DMD: variants seen among roughly 807,000 people sequenced by gnomAD.
DMD encodes dystrophin.
DMD carries 63 observed loss-of-function variants against 330.1 expected under a neutral mutation model. The ratio of observed to expected loss-of-function variants is 0.19; its 90% confidence interval spans 0.16 to 0.24. The LOEUF (loss-of-function observed/expected upper bound fraction) is 0.24, where lower values mean the gene tolerates loss of function less well. Among genes scored for constraint, DMD ranks in the 10% least tolerant of loss-of-function variants. The pLI, the probability that DMD is intolerant of heterozygous loss-of-function variation, is 1.00. For synonymous variants in DMD, 1,223 were observed against 959.8 expected (o/e 1.27, Z -5.07); for missense variants, 3,344 against 2,684.1 (o/e 1.25, Z -5.43).
intron 51 of DMD, among the ~76,000 whole-genome samples, chrX:31,760,822 A>T (rs2089518904): frequency 9.1e-6 from 1 of 110,256 alleles, no homozygotes; most frequent in South Asian, 3.9e-4. Flanking sequence ...CGATAATAAC[A>T]GGTAAAAAAA....
intron 60 of DMD, among the ~76,000 whole-genome samples, chrX:31,369,129 C>G (rs1323639770): frequency 8.9e-6 from 1 of 112,343 alleles, no homozygotes; most frequent in Non-Finnish European, 1.9e-5. Context: ...CCCTCTTTGT[C>G]ATCAATAAAT....
Position 32,752,814 on chromosome X carries a change from G to A in DMD, c.650-53521C>T, listed in dbSNP as rs907324610. 3.6e-5 allele frequency among the ~76,000 whole-genome samples: 4 copies of A among 109,690 alleles called. No homozygotes were observed. The South Asian group carries it at 1.2e-3, about 33-fold the overall frequency. On this transcript the variant is annotated intron_variant, in intron 7 of 78. Transcript: ENST00000357033. ...GTTCTTGTGGTAGTGAAAGTCTCAC[G>A]AGATCTGATGGCTTTGTAAGTGGAG...
At chrX:32,507,602 C>T (rs1412585451) in intron 18 of DMD, among the ~76,000 whole-genome samples, 2 of 111,431 alleles carry the variant, frequency 1.8e-5, no homozygotes, top group African/African-American at 6.5e-5. Flanking sequence ...ACCACAACTA[C>T]AACAAAAACA....
At chrX:31,415,478 C>T (rs1271601741) in intron 60 of DMD, among the ~76,000 whole-genome samples, 1 of 111,755 alleles carries the variant, frequency 8.9e-6, no homozygotes, top group Non-Finnish European at 1.9e-5. Flanking sequence ...ACTATGGAGT[C>T]CAGAGGTAGG....
intron 62 of DMD, among the ~76,000 whole-genome samples, chrX:31,288,722 G>T (rs961418626): frequency 1.8e-5 from 2 of 111,420 alleles, no homozygotes; most frequent in African/African-American, 6.5e-5. Context: ...TGCTCATTTT[G>T]TCAGAAACAA....
At position 33,009,522 on chromosome X, in the gene DMD, GTGTA is replaced by G. The variant is rs1399189707; in HGVS notation, c.93+10613_93+10616del. ...TGTATATGTGTATATACACATATGT[GTGTA>G]TGTGTGTATGTGTATATACACATAT... On this transcript the variant is annotated intron_variant, in intron 2 of 78. Transcript: ENST00000357033. 4.4e-5 allele frequency among the ~76,000 whole-genome samples: 4 copies of G among 90,636 alleles called. 1 individual carries two copies. The highest frequency in any genetic ancestry group is 3.4e-4 in the Admixed American group (3 of 8,735). The allele number at this position is 90,636 out of a possible 115,157, so 78.7% of individuals were successfully genotyped here. A position where few individuals can be genotyped will look rare whatever the true frequency, so the allele number is the denominator to read the frequency against.
chrX:32,524,573 A>G (rs1174126607), intron 17 of DMD, among the ~76,000 whole-genome samples: 1 of 112,410 alleles, frequency 8.9e-6, no homozygotes, highest in Admixed American at 9.4e-5. Context: ...TCTAGCCTAG[A>G]GGCTCTGCCA....
intron 50 of DMD, among the ~76,000 whole-genome samples, chrX:31,809,187 A>G (rs1182914879): frequency 1.9e-5 from 2 of 105,378 alleles, no homozygotes; most frequent in Non-Finnish European, 3.9e-5. Flanking sequence ...ATATGAGTTT[A>G]TATATAAATA....
chrX:32,108,414 G>A (rs2096574552), intron 44 of DMD, among the ~76,000 whole-genome samples: 1 of 111,964 alleles, frequency 8.9e-6, no homozygotes, highest in Non-Finnish European at 1.9e-5. Flanking sequence ...GAATGCAATA[G>A]ATTAATTAGG....
intron 52 of DMD, among the ~76,000 whole-genome samples, chrX:31,688,672 A>G (rs1459890557): frequency 3.6e-5 from 4 of 111,660 alleles, no homozygotes; most frequent in Non-Finnish European, 5.6e-5. Context: ...ACAAAAAAAG[A>G]GAATTTTAGA....
At chrX:32,216,767 T>C in intron 44 of DMD, 149 bp downstream of exon 44, 1 of 525,893 alleles carries the variant, frequency 1.9e-6, no homozygotes, top group South Asian at 3.0e-5. Flanking sequence ...ATATTATCAT[T>C]ATGATAATTT....
rs188476664 is a variant in DMD, at chrX:32,416,745, C to T, written c.4072-4832G>A. On this transcript the variant is annotated intron_variant, in intron 29 of 78. Transcript: ENST00000357033. ...AGAGATGTGCTAAAACCAAATCCTA[C>T]TCAACCTGCCCTTCAGAAACTACAG... 9.9e-5 allele frequency among the ~76,000 whole-genome samples: 11 copies of T among 111,524 alleles called. No homozygotes were observed. The South Asian group carries it at 2.2e-3, about 23-fold the overall frequency.
intron 56 of DMD, among the ~76,000 whole-genome samples, chrX:31,501,892 TAAAG>T (rs1226831308): frequency 9.0e-6 from 1 of 110,612 alleles, no homozygotes; most frequent in Non-Finnish European, 1.9e-5. Flanking sequence ...GCAGAAATAA[TAAAG>T]AACCACAATA....
intron 17 of DMD, among the ~76,000 whole-genome samples, chrX:32,535,927 GT>G (rs1311911024): frequency 9.0e-6 from 1 of 111,508 alleles, no homozygotes; most frequent in Non-Finnish European, 1.9e-5. Context: ...CAAAAATAAA[GT>G]CATTACCATA....
At chrX:32,030,738 T>C (rs1045596967) in intron 44 of DMD, among the ~76,000 whole-genome samples, 1 of 112,088 alleles carries the variant, frequency 8.9e-6, no homozygotes, top group South Asian at 3.7e-4. Context: ...TTTAATGAAA[T>C]GATATCATAT....
intron 1 of DMD, among the ~76,000 whole-genome samples, chrX:33,060,476 T>C (rs2148071454): frequency 9.0e-6 from 1 of 111,624 alleles, no homozygotes; most frequent in Non-Finnish European, 1.9e-5. Context: ...TCTTTGTCAG[T>C]ACTAACATAG....
chrX:31,782,319 A>T (rs1399603490), intron 50 of DMD, among the ~76,000 whole-genome samples: 4 of 111,334 alleles, frequency 3.6e-5, no homozygotes, highest in South Asian at 3.8e-4. Flanking sequence ...AGCAAACATG[A>T]CATAAGCAGA....
rs6653877 is a variant in DMD at position 32,565,507 on chromosome X, T to A, written c.1992+195A>T. Among the ~76,000 whole-genome samples, 5,518 of 111,126 alleles carry A rather than the reference T, an allele frequency of 0.05. 146 individuals carry two copies. The highest frequency in any genetic ancestry group is 0.086 in the African/African-American group (2,627 of 30,537). On this transcript the variant is annotated intron_variant, in intron 16 of 78. Coordinates refer to ENST00000357033, the MANE Select transcript of DMD (RefSeq NM_004006.3). ...AAATTCACTCTAGGGCAGTAACAAG[T>A]TCAGTTAATTAGCACTCTACCTCAC...
intron 44 of DMD, among the ~76,000 whole-genome samples, chrX:32,114,360 A>G (rs1569543943): frequency 9.0e-6 from 1 of 111,366 alleles, no homozygotes; most frequent in African/African-American, 3.3e-5. Context: ...TAGCCCTTCT[A>G]AAAAGAATCT....
Sources: allele counts gnomAD v4.1 joint callset (sites outside exome capture counted in the v4.1 genomes callset), GRCh38; gene constraint gnomAD v4.1.1; transcripts MANE v1.5; gene names NCBI Gene and HGNC (gene_info 2026-07-23, HGNC 2026-07-21).